Variants in PLEKHA7 observed in about 807,000 individuals in gnomAD.
PLEKHA7 encodes pleckstrin homology domain-containing family A member 7.
Under a neutral mutation model 170.0 loss-of-function variants are expected in PLEKHA7, and 104 were observed. The ratio of observed to expected loss-of-function variants is 0.61; its 90% confidence interval spans 0.52 to 0.72. The LOEUF (loss-of-function observed/expected upper bound fraction) is 0.72, where lower values mean the gene tolerates loss of function less well. Among genes scored for constraint, PLEKHA7 ranks in the 30% least tolerant of loss-of-function variants. The pLI is 0.00. For synonymous variants in PLEKHA7, 648 were observed against 660.8 expected (o/e 0.98, Z 0.30); for missense variants, 1,615 against 1,671.7 (o/e 0.97, Z 0.59).
intron 3 of PLEKHA7, among the ~76,000 whole-genome samples, chr11:16,909,482 G>C (rs142698175): frequency 6.6e-6 from 1 of 152,346 alleles, no homozygotes; most frequent in Non-Finnish European, 1.5e-5. Flanking sequence ...GAAAACAGAA[G>C]GCAGCGGTAG....
intron 3 of PLEKHA7, among the ~76,000 whole-genome samples, chr11:16,872,578 G>A (rs1854947205): frequency 6.6e-6 from 1 of 151,972 alleles, no homozygotes; most frequent in East Asian, 1.9e-4. Context: ...GGAATGCAGT[G>A]GGGTGATCAT....
chr11:16,796,113 C>T (rs1395472690), intron 17 of PLEKHA7, among the ~76,000 whole-genome samples: 4 of 152,056 alleles, frequency 2.6e-5, no homozygotes, highest in African/African-American at 9.7e-5. Flanking sequence ...CCTGCCTCGG[C>T]CTCCCAAAGT....
chr11:17,006,699 G>A (rs4491192), intron 3 of PLEKHA7, among the ~76,000 whole-genome samples: 150,155 of 151,736 alleles, frequency 0.99, 74,317 homozygotes, highest in East Asian at 1. Context: ...AAATTTCACT[G>A]CCATGAAGTT....
At chr11:16,966,697 T>G (rs1001314651) in intron 3 of PLEKHA7, among the ~76,000 whole-genome samples, 4 of 152,182 alleles carry the variant, frequency 2.6e-5, no homozygotes, top group Admixed American at 6.5e-5. Context: ...GGATTTTTTT[T>G]TTTTTAACCT....
chr11:16,904,968 C>G (rs916565630), intron 3 of PLEKHA7, among the ~76,000 whole-genome samples: 2 of 152,172 alleles, frequency 1.3e-5, no homozygotes, highest in African/African-American at 4.8e-5. Flanking sequence ...AAATAAAAGA[C>G]AGGGCTGGAC....
chr11:16,898,064 G>A (rs914629002), intron 3 of PLEKHA7, among the ~76,000 whole-genome samples: 1 of 151,710 alleles, frequency 6.6e-6, no homozygotes, highest in Non-Finnish European at 1.5e-5. Flanking sequence ...TCCACAAAAC[G>A]TTACCCAGAA....
At chr11:16,955,526 A>T (rs939360600) in intron 3 of PLEKHA7, among the ~76,000 whole-genome samples, 1 of 152,232 alleles carries the variant, frequency 6.6e-6, no homozygotes, top group Non-Finnish European at 1.5e-5. Flanking sequence ...AGGTTCAGTT[A>T]GGTGTTTGCG....
At chr11:17,003,511 G>A (rs1053793588) in intron 3 of PLEKHA7, among the ~76,000 whole-genome samples, 2 of 152,214 alleles carry the variant, frequency 1.3e-5, no homozygotes, top group Admixed American at 6.5e-5. Context: ...GCCAGTAAAC[G>A]TGGCACTACT....
chr11:16,791,455 C>A lies in PLEKHA7; in HGVS notation c.2746-256G>T. ...TTACCTGTATAACTGTGTCCTGAAA[C>A]CCAGGACTCAGGTCTCCTGGGTCCA... On this transcript the variant is annotated intron_variant, in intron 19 of 26. Transcript: ENST00000531066. This position sits in a 1 kb window ranked among gnomAD's most constrained non-coding sequence, Gnocchi z 4.5. 1 of 617,966 alleles carries A rather than the reference C, an allele frequency of 1.6e-6. No homozygotes were observed. Among genetic ancestry groups the A allele is most frequent in the Admixed American group, 2.3e-5 (1 of 44,370 alleles). The allele number at this position is 617,966 out of a possible 1,614,324, so 38.3% of individuals were successfully genotyped here. A position where few individuals can be genotyped will look rare whatever the true frequency, so the allele number is the denominator to read the frequency against.
chr11:16,795,193 G>T, intron 17 of PLEKHA7, 175 bp from the exon 18 acceptor site: 1 of 580,662 alleles, frequency 1.7e-6, no homozygotes. Context: ...GCATAGACAA[G>T]GAAAATGCCC....
chr11:16,846,519 G>A (rs1404316338), intron 8 of PLEKHA7, among the ~76,000 whole-genome samples: 2 of 152,092 alleles, frequency 1.3e-5, no homozygotes, highest in African/African-American at 4.8e-5. Flanking sequence ...TATTTAAAAT[G>A]GAACTATGGG....
At chr11:16,853,455 C>T (rs1853155156) in intron 6 of PLEKHA7, among the ~76,000 whole-genome samples, 1 of 152,222 alleles carries the variant, frequency 6.6e-6, no homozygotes, top group South Asian at 2.1e-4. Flanking sequence ...CTTATCTATG[C>T]TTCCATGCCT....
intron 6 of PLEKHA7, among the ~76,000 whole-genome samples, chr11:16,854,475 C>G (rs567614050): frequency 6.6e-6 from 1 of 152,012 alleles, no homozygotes; most frequent in African/African-American, 2.4e-5. Context: ...GAATTTGAGA[C>G]GTTAGGTGGA....
At chr11:16,927,081 G>T (rs1485495479) in intron 3 of PLEKHA7, among the ~76,000 whole-genome samples, 2 of 151,926 alleles carry the variant, frequency 1.3e-5, no homozygotes, top group Non-Finnish European at 2.9e-5. Context: ...GCTGAGGCGG[G>T]GGTGGGGGCA....
chr11:16,814,854 C>G (rs1438667661), intron 12 of PLEKHA7, among the ~76,000 whole-genome samples: 1 of 152,234 alleles, frequency 6.6e-6, no homozygotes, highest in East Asian at 1.9e-4. Context: ...ACATCCCAAG[C>G]AGTGGCCACG....
At chr11:16,992,128 A>G (rs2136960629) in intron 3 of PLEKHA7, among the ~76,000 whole-genome samples, 1 of 152,252 alleles carries the variant, frequency 6.6e-6, no homozygotes, top group Non-Finnish European at 1.5e-5. Flanking sequence ...GCAGAGCTCC[A>G]GGCTGAAAGC....
chr11:16,900,275 T>TG (rs1382091892), intron 3 of PLEKHA7, among the ~76,000 whole-genome samples: 21 of 152,322 alleles, frequency 1.4e-4, no homozygotes, highest in Admixed American at 2.6e-4. Context: ...AACATACAGT[T>TG]GGAACTCAAT....
At chr11:16,784,749 C>T (rs12577561) in intron 24 of PLEKHA7, among the ~76,000 whole-genome samples, 11,463 of 152,316 alleles carry the variant, frequency 0.075, 580 homozygotes, top group Non-Finnish European at 0.1. Flanking sequence ...TTTAAACCCA[C>T]ACGCAGCCCT....
At chr11:16,804,816 C>T (rs563775992) in intron 13 of PLEKHA7, among the ~76,000 whole-genome samples, 71 of 152,338 alleles carry the variant, frequency 4.7e-4, no homozygotes, top group Non-Finnish European at 7.3e-4. Flanking sequence ...TGTACATACA[C>T]GTATACACAC....
Sources: allele counts gnomAD v4.1 joint callset (sites outside exome capture counted in the v4.1 genomes callset), GRCh38; gene constraint gnomAD v4.1.1; non-coding constraint Gnocchi (gnomAD v3.1); transcripts MANE v1.5; gene names NCBI Gene and HGNC (gene_info 2026-07-23, HGNC 2026-07-21).